The following COL24A1 variants were observed in gnomAD, a reference collection of about 807,000 sequenced individuals.
COL24A1 encodes the protein collagen type XXIV alpha 1 chain, also known as collagen alpha-1(XXIV) chain.
Under a neutral mutation model 253.9 loss-of-function variants are expected in COL24A1, and 224 were observed. The observed-to-expected ratio is 0.88, with a 90% CI of 0.79 to 0.99. COL24A1 has a LOEUF of 0.99. Ranked by LOEUF, COL24A1 falls within the 50% of genes least tolerant of loss-of-function variation. COL24A1 has a pLI of 0.00. For synonymous variants in COL24A1, 685 were observed against 673.7 expected, an observed-to-expected ratio of 1.02 and a Z score of -0.26; for missense variants, 2,131 against 2,068.5, an observed-to-expected ratio of 1.03 and a Z score of -0.59.
At chr1:85,976,308 C>A (rs922533654) in intron 20 of COL24A1, among the ~76,000 whole-genome samples, 4 of 152,068 alleles carry the variant, frequency 2.6e-5, no homozygotes, top group Non-Finnish European at 4.4e-5. Context: ...GTTAGTAGGG[C>A]ACATTGTCAG....
intron 2 of COL24A1, among the ~76,000 whole-genome samples, chr1:86,141,570 C>T (rs193019031): frequency 3.9e-5 from 6 of 152,330 alleles, no homozygotes; most frequent in Admixed American, 6.5e-5. Context: ...GGATCCTTCT[C>T]TACATGCCTT....
At chr1:86,090,632 CCA>C (rs1557580917) in intron 6 of COL24A1, among the ~76,000 whole-genome samples, 1 of 152,084 alleles carries the variant, frequency 6.6e-6, no homozygotes, top group Non-Finnish European at 1.5e-5. Flanking sequence ...ATGTGTATAA[CCA>C]GTTTCCTTTT....
rs1570966366 is a variant in COL24A1, at chr1:85,863,468, T to A, written c.3300+5051A>T. The stretch of plus-strand genomic sequence containing the variant: ...AAACCCTAGAAGAAAACCTAGGCAA[T>A]ACCATTCAGGACATAGGCATGGGCA... On this transcript the variant is annotated intron_variant, in intron 37 of 59. Transcript: ENST00000370571. Among the ~76,000 whole-genome samples, 5 of 152,122 alleles carry A rather than the reference T, an allele frequency of 3.3e-5. 1 individual carries two copies. In the East Asian group the frequency reaches 9.6e-4, roughly 29 times the overall value.
At chr1:85,852,091 G>A (rs1033906967) in intron 37 of COL24A1, among the ~76,000 whole-genome samples, 4 of 151,916 alleles carry the variant, frequency 2.6e-5, no homozygotes, top group Admixed American at 1.3e-4. Flanking sequence ...GTAATTTTGC[G>A]GGGTGTGTGT....
rs979415859 is a variant in COL24A1 at position 86,136,851 on chromosome 1, T to C, written c.121+9268A>G. Among the ~76,000 whole-genome samples, 21 of 152,244 alleles carry C rather than the reference T, an allele frequency of 1.4e-4. 2 individuals are homozygous for C. Among genetic ancestry groups the C allele is most frequent in the Admixed American group, 5.2e-4 (8 of 15,264 alleles). ...TGGTACCTGAAGTGAAATCATCAAA[T>C]TGTCATCCTAATTTTAAGCTTTCTT... On this transcript the variant is annotated intron_variant, in intron 2 of 59. Coordinates refer to ENST00000370571, the MANE Select transcript of COL24A1 (RefSeq NM_152890.7).
chr1:85,999,041 G>A (rs946200196), intron 19 of COL24A1, among the ~76,000 whole-genome samples: 2 of 152,310 alleles, frequency 1.3e-5, no homozygotes, highest in East Asian at 1.9e-4. Flanking sequence ...GACAATTTTG[G>A]TGATGAAGAT....
intron 24 of COL24A1, among the ~76,000 whole-genome samples, chr1:85,958,030 T>A (rs1306104777): frequency 6.6e-6 from 1 of 152,184 alleles, no homozygotes; most frequent in African/African-American, 2.4e-5. Flanking sequence ...ACAGCTAACA[T>A]TTATCAAGTT....
chr1:85,992,451 A>T (rs1694378386), intron 19 of COL24A1, among the ~76,000 whole-genome samples: 1 of 152,218 alleles, frequency 6.6e-6, no homozygotes, highest in Non-Finnish European at 1.5e-5. Flanking sequence ...ACATTTCAAT[A>T]TGTTAAAACC....
intron 43 of COL24A1, among the ~76,000 whole-genome samples, chr1:85,829,625 T>G (rs1674907526): frequency 6.6e-6 from 1 of 152,024 alleles, no homozygotes; most frequent in African/African-American, 2.4e-5. Flanking sequence ...CTCATTTCTT[T>G]TTATTCTTTT....
intron 24 of COL24A1, among the ~76,000 whole-genome samples, chr1:85,925,270 G>T (rs1405293864): frequency 6.6e-6 from 1 of 152,164 alleles, no homozygotes; most frequent in Non-Finnish European, 1.5e-5. Context: ...TAGATTCAAT[G>T]CCATCCCCAT....
At chr1:86,030,746 CTTTCTTTTTTTT>C (rs1698493110) in intron 14 of COL24A1, among the ~76,000 whole-genome samples, 1 of 136,058 alleles carries the variant, frequency 7.3e-6, no homozygotes, top group Non-Finnish European at 1.6e-5. Flanking sequence ...TTTCTTTTTT[CTTTCTTTTTTTT>C]TTTTTTTGTT....
At chr1:85,761,489 T>C in intron 54 of COL24A1, 42 bp downstream of exon 54, 1 of 1,613,866 alleles carries the variant, frequency 6.2e-7, no homozygotes, top group Non-Finnish European at 8.5e-7. Context: ...GGCAAACATA[T>C]AAGCATCAAT....
chr1:85,933,124 T>TGTGTG (rs1687940376), intron 24 of COL24A1, among the ~76,000 whole-genome samples: 1 of 141,034 alleles, frequency 7.1e-6, no homozygotes. Context: ...AAAAAAAGAA[T>TGTGTG]GTGTGTAGGT....
intron 24 of COL24A1, among the ~76,000 whole-genome samples, chr1:85,955,767 GC>G (rs1207803738): frequency 6.6e-6 from 1 of 152,216 alleles, no homozygotes; most frequent in East Asian, 1.9e-4. Flanking sequence ...CCAGAGGGTA[GC>G]AAAACCAATC....
chr1:85,743,108 G>A (rs1664832385), intron 57 of COL24A1, among the ~76,000 whole-genome samples: 1 of 152,068 alleles, frequency 6.6e-6, no homozygotes, highest in Non-Finnish European at 1.5e-5. Context: ...GCCAAATTAT[G>A]TCACTTCTTC....
intron 32 of COL24A1, among the ~76,000 whole-genome samples, chr1:85,881,252 CAAAT>C (rs1681803405): frequency 1.3e-5 from 2 of 151,906 alleles, no homozygotes. Flanking sequence ...GATATCAAAT[CAAAT>C]CAAATCAAAT....
intron 19 of COL24A1, among the ~76,000 whole-genome samples, chr1:86,007,237 C>CCCA (rs901884782): frequency 7.4e-4 from 112 of 151,318 alleles, no homozygotes; most frequent in East Asian, 1.4e-3. Flanking sequence ...AACAAACAAA[C>CCCA]CCACCACCAC....
Position 85,814,416 on chromosome 1 carries a change from T to A in COL24A1, c.3951+2372A>T, listed in dbSNP as rs186493908. Among the ~76,000 whole-genome samples the A allele has an allele frequency of 3.9e-5, 6 of 152,356 alleles. No individual in the cohort carries two copies. In the East Asian group the frequency reaches 9.6e-4, roughly 24 times the overall value. On this transcript the variant is annotated intron_variant, in intron 47 of 59. Transcript: ENST00000370571. ...TTTTGTATTGGCTTTCTCTTAGCCATTAAATTACTATCCTTTAAATATTAC... is the reference window on the plus strand; with the variant it reads ...TTTTGTATTGGCTTTCTCTTAGCCAATAAATTACTATCCTTTAAATATTAC...
intron 43 of COL24A1, among the ~76,000 whole-genome samples, chr1:85,827,331 T>C (rs1455915468): frequency 1.3e-5 from 2 of 151,550 alleles, no homozygotes; most frequent in Non-Finnish European, 2.9e-5. Flanking sequence ...AGTTTGCCAG[T>C]ATTTTATTGA....
Sources: gnomAD v4.1 joint callset for allele counts (sites outside exome capture counted in the v4.1 genomes callset) on GRCh38, gnomAD v4.1.1 for gene constraint, MANE v1.5 for transcripts, NCBI Gene and HGNC (gene_info 2026-07-23, HGNC 2026-07-21) for gene names.